Variants in SCAPER observed in about 807,000 individuals in gnomAD.
The protein encoded by SCAPER is S-phase cyclin A associated protein in the ER, also known as S phase cyclin A-associated protein in the endoplasmic reticulum.
In SCAPER, 98 loss-of-function variants were observed where a neutral mutation model predicts 182.2. The ratio of observed to expected loss-of-function variants is 0.54; its 90% CI spans 0.46 to 0.64. The LOEUF (loss-of-function observed/expected upper bound fraction) is 0.64, where lower values mean the gene tolerates loss of function less well. Among genes scored for constraint, SCAPER ranks in the 30% least tolerant of loss-of-function variants. The pLI is 0.00. For missense variants in SCAPER, 1,432 were observed against 1,690.0 expected (o/e 0.85, Z 2.68); for synonymous variants, 605 against 564.6 (o/e 1.07, Z -1.01).
At chr15:76,502,655 G>A (rs1470092437) in intron 24 of SCAPER, among the ~76,000 whole-genome samples, 2 of 152,088 alleles carry the variant, frequency 1.3e-5, no homozygotes, top group Non-Finnish European at 2.9e-5. Context: ...ACACCAACAT[G>A]GCACATGTAT....
chr15:76,676,795 C>G (rs2057393921), intron 20 of SCAPER, among the ~76,000 whole-genome samples: 2 of 151,076 alleles, frequency 1.3e-5, no homozygotes, highest in Non-Finnish European at 2.9e-5. Flanking sequence ...TATATTTGGG[C>G]ATAAAAAGAA....
At chr15:76,760,803 T>C (rs2062729287) in intron 14 of SCAPER, among the ~76,000 whole-genome samples, 1 of 152,222 alleles carries the variant, frequency 6.6e-6, no homozygotes, top group Non-Finnish European at 1.5e-5. Context: ...AATATTATCC[T>C]AGTGCTTCTA....
intron 29 of SCAPER, among the ~76,000 whole-genome samples, chr15:76,372,902 T>TA (rs1311414117): frequency 6.6e-6 from 1 of 152,170 alleles, no homozygotes; most frequent in Non-Finnish European, 1.5e-5. Context: ...CATGTAAAAT[T>TA]AGTCATAGAA....
chr15:76,397,332 CT>C (rs2044134886), intron 27 of SCAPER, among the ~76,000 whole-genome samples: 1 of 152,002 alleles, frequency 6.6e-6, no homozygotes, highest in African/African-American at 2.4e-5. Flanking sequence ...AAATACTGGC[CT>C]TGTAGAAAGA....
At chr15:76,735,746 TAACA>T (rs1598434163) in intron 15 of SCAPER, among the ~76,000 whole-genome samples, 1 of 147,456 alleles carries the variant, frequency 6.8e-6, no homozygotes, top group Non-Finnish European at 1.5e-5. Context: ...GAAAATAACC[TAACA>T]AACAGCAGAA....
At chr15:76,781,159 C>A (rs748210626) in intron 8 of SCAPER, among the ~76,000 whole-genome samples, 2 of 152,064 alleles carry the variant, frequency 1.3e-5, no homozygotes, top group Non-Finnish European at 2.9e-5. Flanking sequence ...TCCACGAATG[C>A]CTAACTAGAA....
intron 15 of SCAPER, among the ~76,000 whole-genome samples, chr15:76,735,893 T>C (rs772284467): frequency 2.6e-5 from 4 of 152,186 alleles, no homozygotes; most frequent in South Asian, 4.1e-4. Context: ...AGACCCCTGG[T>C]GGATGCCTCA....
intron 27 of SCAPER, among the ~76,000 whole-genome samples, chr15:76,397,474 CTTTTTTTTTT>C (rs71143321): frequency 1.7e-4 from 12 of 71,542 alleles, no homozygotes; most frequent in African/African-American, 5.0e-4. Flanking sequence ...TATTGGCAGA[CTTTTTTTTTT>C]TTTTTTTTTT....
At chr15:76,353,484 T>C (rs931339044) in intron 30 of SCAPER, among the ~76,000 whole-genome samples, 5 of 152,210 alleles carry the variant, frequency 3.3e-5, no homozygotes, top group Non-Finnish European at 5.9e-5. Context: ...TTAAAAGTTG[T>C]TTTACATTAA....
intron 17 of SCAPER, among the ~76,000 whole-genome samples, chr15:76,716,980 T>G (rs1222475639): frequency 6.6e-6 from 1 of 151,956 alleles, no homozygotes; most frequent in African/African-American, 2.4e-5. Flanking sequence ...TACACTATAA[T>G]CAAACTGGCA....
chr15:76,559,394 C>T (rs2404741), intron 23 of SCAPER, among the ~76,000 whole-genome samples: 74,411 of 151,590 alleles, frequency 0.49, 19,676 homozygotes, highest in Middle Eastern at 0.66. Context: ...TTCCCCTTCG[C>T]TCAGCACTTC....
chr15:76,688,193 T>C (rs1170602333), intron 20 of SCAPER, among the ~76,000 whole-genome samples: 3 of 141,940 alleles, frequency 2.1e-5, no homozygotes, highest in Non-Finnish European at 4.7e-5. Flanking sequence ...TGACCAGTGA[T>C]GATGAGCTTT....
At chr15:76,887,770 C>T (rs1268346730) in intron 1 of SCAPER, among the ~76,000 whole-genome samples, 1 of 152,222 alleles carries the variant, frequency 6.6e-6, no homozygotes, top group Non-Finnish European at 1.5e-5. Flanking sequence ...CAGACTTAAA[C>T]GTCCCTGTCT....
At chr15:76,588,348 T>C (rs1035782777) in intron 22 of SCAPER, among the ~76,000 whole-genome samples, 2 of 152,246 alleles carry the variant, frequency 1.3e-5, no homozygotes, top group Admixed American at 6.5e-5. Context: ...TTATATAATG[T>C]CCCTCTTTGT....
chr15:76,633,771 G>A (rs1004774510), intron 21 of SCAPER, among the ~76,000 whole-genome samples: 5 of 152,216 alleles, frequency 3.3e-5, no homozygotes, highest in Admixed American at 3.3e-4. Context: ...AGTCTTACTG[G>A]CACCTGCAGC....
intron 23 of SCAPER, among the ~76,000 whole-genome samples, chr15:76,556,846 T>C (rs1264253471): frequency 2.0e-5 from 3 of 152,162 alleles, no homozygotes; most frequent in Non-Finnish European, 4.4e-5. Context: ...TATGCTTCTA[T>C]ATCTAAAAAA....
At chr15:76,455,709 C>T (rs541986259) in intron 25 of SCAPER, among the ~76,000 whole-genome samples, 70 of 152,132 alleles carry the variant, frequency 4.6e-4, no homozygotes, top group African/African-American at 1.5e-3. Flanking sequence ...ATGTGCTGAA[C>T]GTGCAGGTTA....
intron 11 of SCAPER, among the ~76,000 whole-genome samples, chr15:76,766,602 T>G (rs2151287441): frequency 6.6e-6 from 1 of 152,298 alleles, no homozygotes; most frequent in South Asian, 2.1e-4. Flanking sequence ...CCTCCCAAAG[T>G]GCTGGGATTA....
At chr15:76,784,139 C>G (rs1052570326) in intron 8 of SCAPER, among the ~76,000 whole-genome samples, 1 of 152,122 alleles carries the variant, frequency 6.6e-6, no homozygotes, top group Non-Finnish European at 1.5e-5. Context: ...AAAAACCCAT[C>G]GTCTCTGCCC....
Sources: gnomAD v4.1 joint callset for allele counts (sites outside exome capture counted in the v4.1 genomes callset) on GRCh38, gnomAD v4.1.1 for gene constraint, MANE v1.5 for transcripts, NCBI Gene and HGNC (gene_info 2026-07-23, HGNC 2026-07-21) for gene names.